PTPRQ: variants seen among roughly 807,000 people sequenced by gnomAD.
PTPRQ encodes the protein phosphatidylinositol phosphatase PTPRQ.
A neutral mutation model predicts 246.0 loss-of-function variants in PTPRQ; 199 were observed. The observed-to-expected ratio is 0.81, with a 90% CI of 0.72 to 0.91. The LOEUF (loss-of-function observed/expected upper bound fraction) is 0.91. PTPRQ is among the 40% of genes least tolerant of loss of function. The probability of loss-of-function intolerance (pLI) is 0.00; values close to 1 mark genes in which losing one functional copy is unlikely to be tolerated. For missense variants in PTPRQ, 2,624 were observed against 2,528.4 expected, an observed-to-expected ratio of 1.04 and a Z score of -0.81; for synonymous variants, 869 against 853.2, an observed-to-expected ratio of 1.02 and a Z score of -0.32.
chr12:80,616,314 A>G, intron 30 of PTPRQ, 48 bp downstream of exon 30: 1 of 1,425,590 alleles, frequency 7.0e-7, no homozygotes, highest in Non-Finnish European at 9.2e-7. Context: ...ATCAGTGATT[A>G]TAATTTAAAT....
At chr12:80,607,574 A>C (rs1898375965) in intron 27 of PTPRQ, among the ~76,000 whole-genome samples, 1 of 150,422 alleles carries the variant, frequency 6.6e-6, no homozygotes, top group Admixed American at 6.7e-5. Context: ...AGAAGTGAAC[A>C]ACTCTGATAA....
At chr12:80,495,151 G>A in intron 11 of PTPRQ, 41 bp from the exon 12 acceptor site, 5 of 1,547,850 alleles carry the variant, frequency 3.2e-6, no homozygotes, top group Non-Finnish European at 4.4e-6. Context: ...TGTACACTGT[G>A]ATACTTTTTT....
chr12:80,650,337 A>G lies in PTPRQ; in HGVS notation c.6024+668A>G, dbSNP rs573602398. 1.1e-4 allele frequency among the ~76,000 whole-genome samples: 16 copies of G among 151,820 alleles called. 1 individual carries two copies. Among genetic ancestry groups the G allele is most frequent in the Middle Eastern group, 6.8e-3 (2 of 294 alleles). ...AATAGTTTTTTTTTTAACATTTTGT[A>G]TATCTATAAAATTGAAATTATTTAA... is the stretch of plus-strand genomic sequence containing the variant. On this transcript the variant is annotated intron_variant, in intron 37 of 44. Transcript: ENST00000644991.
At chr12:80,628,197 A>G (rs1437760542) in intron 33 of PTPRQ, among the ~76,000 whole-genome samples, 1 of 152,122 alleles carries the variant, frequency 6.6e-6, no homozygotes, top group Non-Finnish European at 1.5e-5. Flanking sequence ...TCGTATTTTA[A>G]TGTATAAAAA....
At position 80,495,098 on chromosome 12, in the gene PTPRQ, A is replaced by G; in HGVS notation, c.1702+4A>G. 6.4e-7 allele frequency: 1 copy of G among 1,550,438 alleles called. No individual in the cohort carries two copies. The highest frequency in any genetic ancestry group is 8.7e-7 in the Non-Finnish European group (1 of 1,146,166). ...AGTGTTAGGACACGTCAGCAAGGTA[A>G]GGATGTATTTCCTTTGAAACAATTA... On this transcript the variant is annotated splice_donor_region_variant and intron_variant, in intron 11 of 44. Coordinates refer to ENST00000644991, the MANE Select transcript of PTPRQ (RefSeq NM_001145026.2).
intron 25 of PTPRQ, among the ~76,000 whole-genome samples, chr12:80,572,050 T>C (rs1449655425): frequency 6.6e-6 from 1 of 152,034 alleles, no homozygotes; most frequent in African/African-American, 2.4e-5. Flanking sequence ...TCTTATTAAT[T>C]TTTACAAAAA....
intron 20 of PTPRQ, among the ~76,000 whole-genome samples, chr12:80,540,339 CT>C (rs1896115875): frequency 6.6e-6 from 1 of 152,102 alleles, no homozygotes; most frequent in Non-Finnish European, 1.5e-5. Flanking sequence ...TGCAGCACAT[CT>C]CTTCTCACTG....
At chr12:80,631,474 C>G (rs80134351) in intron 33 of PTPRQ, among the ~76,000 whole-genome samples, 1 of 151,842 alleles carries the variant, frequency 6.6e-6, no homozygotes, top group Non-Finnish European at 1.5e-5. Flanking sequence ...GAATTCTTCC[C>G]TCTTTGGCCA....
At chr12:80,592,550 G>T (rs1234538215) in intron 26 of PTPRQ, among the ~76,000 whole-genome samples, 4 of 152,210 alleles carry the variant, frequency 2.6e-5, no homozygotes, top group Admixed American at 6.5e-5. Flanking sequence ...TAACAGTTAA[G>T]TAACGGAAGT....
intron 33 of PTPRQ, among the ~76,000 whole-genome samples, chr12:80,630,354 C>A (rs534906296): frequency 1.3e-5 from 2 of 151,912 alleles, no homozygotes; most frequent in Non-Finnish European, 2.9e-5. Flanking sequence ...AATTTTTTTT[C>A]TTTCCACCAC....
chr12:80,512,701 C>G (rs976182962), intron 17 of PTPRQ: 5 of 152,220 alleles, frequency 3.3e-5, no homozygotes, highest in Non-Finnish European at 7.3e-5. Context: ...ATTCATTTCT[C>G]ATTCCCTCTG....
chr12:80,632,356 C>T, intron 34 of PTPRQ, 65 bp downstream of exon 34: 1 of 1,535,072 alleles, frequency 6.5e-7, no homozygotes. Context: ...ATAGTCCAAT[C>T]AGGAGACAGA....
intron 29 of PTPRQ, among the ~76,000 whole-genome samples, chr12:80,615,442 T>C (rs1898716730): frequency 6.6e-6 from 1 of 151,066 alleles, no homozygotes; most frequent in Non-Finnish European, 1.5e-5. Flanking sequence ...AAGCCAAGAA[T>C]ATAGTCTCTG....
At chr12:80,647,133 C>G (rs1900101963) in intron 35 of PTPRQ, among the ~76,000 whole-genome samples, 1 of 152,112 alleles carries the variant, frequency 6.6e-6, no homozygotes, top group African/African-American at 2.4e-5. Context: ...AAATGATCCT[C>G]TAGGAAAAAG....
In PTPRQ at chr12:80,670,409, G is replaced by A. The variant is rs991612593; in HGVS notation, c.6519G>A (p.Glu2173=). 6.4e-6 allele frequency: 10 copies of A among 1,551,162 alleles called. No homozygotes were observed. The highest frequency in any genetic ancestry group is 5.5e-5 in the African/African-American group (4 of 73,086). Residue 2173 remains glutamate, a synonymous_variant, in exon 42 of 45, where the codon GAG becomes GAA. Transcript: ENST00000644991. The stretch of plus-strand genomic sequence containing the variant: ...CCTGGCCAGAGCATGGGGTTCCTGA[G>A]AACAGCGCCCCTCTAATTCACTTTG... ...FTAWPEHGVP[E]NSAPLIHFVK... is the part of the protein sequence containing the mutation.
At chr12:80,596,822 G>A (rs542204274) in intron 26 of PTPRQ, among the ~76,000 whole-genome samples, 41 of 152,130 alleles carry the variant, frequency 2.7e-4, no homozygotes, top group African/African-American at 8.7e-4. Context: ...TATGTATGGT[G>A]TCTTGGTCAC....
intron 3 of PTPRQ, among the ~76,000 whole-genome samples, chr12:80,450,074 C>T (rs994261154): frequency 2.0e-5 from 3 of 152,066 alleles, no homozygotes; most frequent in African/African-American, 7.2e-5. Context: ...TTGTAGTTCT[C>T]CTTGAAGAGG....
intron 33 of PTPRQ, among the ~76,000 whole-genome samples, chr12:80,630,574 A>G (rs1899389983): frequency 6.6e-6 from 1 of 152,188 alleles, no homozygotes; most frequent in Admixed American, 6.5e-5. Context: ...GGTTTTGACC[A>G]CTTATAACAA....
intron 25 of PTPRQ, among the ~76,000 whole-genome samples, chr12:80,565,584 T>C (rs981130342): frequency 1.3e-5 from 2 of 152,208 alleles, no homozygotes; most frequent in Non-Finnish European, 2.9e-5. Flanking sequence ...CTGGTAACCA[T>C]ATGACGTGAA....
Sources: gnomAD v4.1 joint callset for allele counts (sites outside exome capture counted in the v4.1 genomes callset) on GRCh38, gnomAD v4.1.1 for gene constraint, MANE v1.5 for transcripts, NCBI Gene and HGNC (gene_info 2026-07-23, HGNC 2026-07-21) for gene names.